Variants in STK32B observed in about 807,000 individuals in gnomAD.
STK32B encodes the protein serine/threonine kinase 32B, also known as serine/threonine-protein kinase 32B.
Under a neutral mutation model 52.6 loss-of-function variants are expected in STK32B, and 43 were observed. That is an observed-to-expected ratio of 0.82 (90% CI 0.64 to 1.05). The LOEUF (loss-of-function observed/expected upper bound fraction) is 1.05, where lower values mean the gene tolerates loss of function less well. Among genes scored for constraint, STK32B ranks in the 50% least tolerant of loss-of-function variants. STK32B has a pLI of 0.00. For missense variants in STK32B, 621 were observed against 534.6 expected (o/e 1.16, Z -1.59); for synonymous variants, 238 against 204.3 (o/e 1.17, Z -1.41).
At chr4:5,338,572 C>T (rs1053498363) in intron 4 of STK32B, among the ~76,000 whole-genome samples, 2 of 151,302 alleles carry the variant, frequency 1.3e-5, no homozygotes, top group Non-Finnish European at 2.9e-5. Context: ...TTCCCTGAGA[C>T]ACTAAGTCAT....
chr4:5,416,734 A>G lies in STK32B; in HGVS notation c.473-111A>G. 3.9e-6 allele frequency: 3 copies of G among 766,078 alleles called. No individual in the cohort carries two copies. The South Asian group carries it at 5.8e-5, about 15-fold the overall frequency. 47.5% of individuals were successfully genotyped at this position (766,078 alleles called of 1,614,324 possible). A position where few individuals can be genotyped will look rare whatever the true frequency, so the allele number is the denominator to read the frequency against. The stretch of plus-strand genomic sequence containing the variant: ...AGTATCAGATACGATAGTATTATAA[A>G]TAGAAGTTCTAATGTTTTCTTCACG... On this transcript the variant is annotated intron_variant, in intron 5 of 11. Transcript: ENST00000282908.
At chr4:5,429,153 A>G (rs1291877372) in intron 6 of STK32B, among the ~76,000 whole-genome samples, 1 of 152,190 alleles carries the variant, frequency 6.6e-6, no homozygotes, top group African/African-American at 2.4e-5. Flanking sequence ...ATCGCTGATA[A>G]TATCTTTTTC....
At chr4:5,455,073 A>C (rs982070458) in intron 7 of STK32B, among the ~76,000 whole-genome samples, 1 of 152,184 alleles carries the variant, frequency 6.6e-6, no homozygotes, top group Non-Finnish European at 1.5e-5. Context: ...ACTCAGGAAA[A>C]AAAGCTCCCT....
chr4:5,090,619 T>C (rs1317992565), intron 1 of STK32B, among the ~76,000 whole-genome samples: 3 of 152,116 alleles, frequency 2.0e-5, no homozygotes, highest in African/African-American at 7.2e-5. Flanking sequence ...CTCCTTGGCC[T>C]CCCAAAGTGC....
chr4:5,425,698 T>C (rs1341927078), intron 6 of STK32B, among the ~76,000 whole-genome samples: 4 of 152,186 alleles, frequency 2.6e-5, no homozygotes, highest in Non-Finnish European at 2.9e-5. Flanking sequence ...TTTTAGTGTA[T>C]AGCTCTCTGA....
At chr4:5,092,802 CA>C (rs1713166732) in intron 1 of STK32B, among the ~76,000 whole-genome samples, 1 of 152,080 alleles carries the variant, frequency 6.6e-6, no homozygotes, top group Non-Finnish European at 1.5e-5. Context: ...CCTCATGATC[CA>C]ATCACCTCCC....
rs549853457 is a variant in STK32B at position 5,339,778 on chromosome 4, C to A, written c.434+8385C>A. Among the ~76,000 whole-genome samples, 163 of 152,264 alleles carry A rather than the reference C, an allele frequency of 1.1e-3. 1 individual carries two copies. Among genetic ancestry groups the A allele is most frequent in the African/African-American group, 3.7e-3 (152 of 41,560 alleles). ...TCGATTTTCTAATCTGAAAAATGCT[C>A]CTGATTAAACCTACTTCTTGGGCTG... On this transcript the variant is annotated intron_variant, in intron 4 of 11. Transcript: ENST00000282908.
intron 3 of STK32B, among the ~76,000 whole-genome samples, chr4:5,188,987 G>T (rs559883397): frequency 6.6e-6 from 1 of 151,044 alleles, no homozygotes; most frequent in Non-Finnish European, 1.5e-5. Context: ...CGTTGTGCAC[G>T]TGTACCCTAG....
At chr4:5,397,638 G>A (rs560046160) in intron 4 of STK32B, among the ~76,000 whole-genome samples, 1 of 152,220 alleles carries the variant, frequency 6.6e-6, no homozygotes, top group African/African-American at 2.4e-5. Flanking sequence ...GTGCTCCTCT[G>A]TGTGTCTGTG....
intron 3 of STK32B, among the ~76,000 whole-genome samples, chr4:5,218,898 G>A (rs1046735752): frequency 6.6e-6 from 1 of 152,162 alleles, no homozygotes; most frequent in African/African-American, 2.4e-5. Flanking sequence ...CCCTTTGACT[G>A]CCAGGCCCCT....
chr4:5,246,498 C>T (rs1042823054), intron 3 of STK32B, among the ~76,000 whole-genome samples: 1 of 152,100 alleles, frequency 6.6e-6, no homozygotes, highest in Non-Finnish European at 1.5e-5. Flanking sequence ...AAGTTTTTAA[C>T]TTGTTTGCCA....
intron 6 of STK32B, among the ~76,000 whole-genome samples, chr4:5,433,110 G>A (rs1033304123): frequency 2.6e-5 from 4 of 152,164 alleles, no homozygotes; most frequent in African/African-American, 9.7e-5. Flanking sequence ...CTGGAGACAG[G>A]CAAGTGGTTG....
chr4:5,122,507 A>T (rs766062648), intron 1 of STK32B, among the ~76,000 whole-genome samples: 1 of 151,638 alleles, frequency 6.6e-6, no homozygotes, highest in African/African-American at 2.4e-5. Context: ...TCACTCATTT[A>T]CTCATTCATT....
chr4:5,468,091 C>G, intron 11 of STK32B, 21 bp downstream of exon 11: 2 of 1,612,750 alleles, frequency 1.2e-6, no homozygotes, highest in Non-Finnish European at 1.7e-6. Flanking sequence ...CATACTGTCC[C>G]CCTTGGGCAA....
At chr4:5,490,848 T>G (rs1403473806) in intron 11 of STK32B, among the ~76,000 whole-genome samples, 6 of 152,150 alleles carry the variant, frequency 3.9e-5, no homozygotes, top group Admixed American at 3.9e-4. Context: ...CTTGCGATAG[T>G]TTACTGAGAA....
chr4:5,304,782 C>T (rs1008049708), intron 3 of STK32B, among the ~76,000 whole-genome samples: 3 of 149,862 alleles, frequency 2.0e-5, no homozygotes, highest in South Asian at 4.2e-4. Context: ...AGGGGGGGTG[C>T]TTTCAACTTT....
At chr4:5,127,095 G>A (rs757131509) in intron 1 of STK32B, 5 of 512,122 alleles carry the variant, frequency 9.8e-6, no homozygotes, top group Non-Finnish European at 1.6e-5. Flanking sequence ...TTCATGAGCC[G>A]TGAAGGGAAC....
intron 1 of STK32B, among the ~76,000 whole-genome samples, chr4:5,135,758 G>C (rs115390657): frequency 2.1e-3 from 320 of 152,232 alleles, no homozygotes; most frequent in African/African-American, 7.2e-3. Flanking sequence ...AGAAGTGGTA[G>C]AGTGGAAGGG....
intron 4 of STK32B, among the ~76,000 whole-genome samples, chr4:5,376,343 G>A (rs1362957364): frequency 6.6e-6 from 1 of 152,152 alleles, no homozygotes; most frequent in Admixed American, 6.5e-5. Context: ...CAGGTGCTCA[G>A]ATAGCACTGA....
Sources: gnomAD v4.1 joint callset for allele counts (sites outside exome capture counted in the v4.1 genomes callset) on GRCh38, gnomAD v4.1.1 for gene constraint, MANE v1.5 for transcripts, NCBI Gene and HGNC (gene_info 2026-07-23, HGNC 2026-07-21) for gene names.